The following KRT80 variants were observed in gnomAD, a reference collection of about 807,000 sequenced individuals.
The protein encoded by KRT80 is keratin 80.
KRT80 carries 36 observed loss-of-function variants against 51.5 expected under a neutral mutation model. The observed-to-expected ratio is 0.70, with a 90% CI of 0.54 to 0.92. The LOEUF (loss-of-function observed/expected upper bound fraction) is 0.92. Among genes scored for constraint, KRT80 ranks in the 40% least tolerant of loss-of-function variants. The probability of loss-of-function intolerance (pLI) is 0.00; values close to 1 mark genes in which losing one functional copy is unlikely to be tolerated. For missense variants in KRT80, 566 were observed against 591.7 expected (o/e 0.96, Z 0.45); for synonymous variants, 235 against 248.3 (o/e 0.95, Z 0.50).
rs1470434016 is a variant in KRT80 at position 52,173,583 on chromosome 12, T to C, written c.831+17A>G. Reference sequence around the variant, plus strand: ...ACTGTCCAGGCTGCTTCTCGTGCCCTGTGTGGTCAGCCCCACCTGGCTCCG... The same window carrying C: ...ACTGTCCAGGCTGCTTCTCGTGCCCCGTGTGGTCAGCCCCACCTGGCTCCG... On this transcript the variant is annotated intron_variant, in intron 5 of 8. Transcript: ENST00000394815. 8 of 1,611,016 alleles carry C rather than the reference T, an allele frequency of 5.0e-6. No individual in the cohort carries two copies. The highest frequency in any genetic ancestry group is 6.8e-6 in the Non-Finnish European group (8 of 1,179,458).
Position 52,171,724 on chromosome 12 carries a change from G to A in KRT80, c.1179-11C>T. On this transcript the variant is annotated splice_polypyrimidine_tract_variant and intron_variant, in intron 7 of 8. Transcript: ENST00000394815. ...GAGGGCGAGTCCATCCTGGGGGTGGGGGACGGGGGGGTGGGAGAGGGATAT... is the reference window on the plus strand; with the variant it reads ...GAGGGCGAGTCCATCCTGGGGGTGGAGGACGGGGGGGTGGGAGAGGGATAT... 6.8e-7 allele frequency: 1 copy of A among 1,463,256 alleles called. No individual in the cohort carries two copies. Among genetic ancestry groups the A allele is most frequent in the Non-Finnish European group, 9.4e-7 (1 of 1,065,980 alleles). The allele number at this position is 1,463,256 out of a possible 1,614,324, so 90.6% of individuals were successfully genotyped here. A position where few individuals can be genotyped will look rare whatever the true frequency, so the allele number is the denominator to read the frequency against.
intron 1 of KRT80, among the ~76,000 whole-genome samples, chr12:52,187,484 G>A (rs980416082): frequency 6.6e-6 from 1 of 152,210 alleles, no homozygotes. Context: ...ACGGTCAGGT[G>A]GGGCCAGCCC....
At chr12:52,189,673 G>C (rs1941452560) in intron 1 of KRT80, among the ~76,000 whole-genome samples, 1 of 152,228 alleles carries the variant, frequency 6.6e-6, no homozygotes, top group South Asian at 2.1e-4. Context: ...TGAAGGGTCA[G>C]CTGGGGCCCC....
At chr12:52,180,703 G>A (rs1941304411) in intron 3 of KRT80, 95 bp from the exon 4 acceptor site, 1 of 1,600,872 alleles carries the variant, frequency 6.2e-7, no homozygotes, top group Non-Finnish European at 8.5e-7. Context: ...GAGAGTGGGG[G>A]TGATTCCAGA....
At chr12:52,176,277 G>C (rs1229763450) in intron 4 of KRT80, among the ~76,000 whole-genome samples, 8 of 152,174 alleles carry the variant, frequency 5.3e-5, no homozygotes. Flanking sequence ...GGGACCCCTG[G>C]AGAGCACGTG....
chr12:52,185,836 C>A (rs1033994870), intron 1 of KRT80: 2 of 682,574 alleles, frequency 2.9e-6, no homozygotes, highest in Admixed American at 3.0e-5. Context: ...GAGGGCAGGG[C>A]AGGGCTGGCA....
intron 2 of KRT80, among the ~76,000 whole-genome samples, chr12:52,183,795 G>A (rs1270452112): frequency 6.6e-6 from 1 of 152,220 alleles, no homozygotes; most frequent in Non-Finnish European, 1.5e-5. Context: ...ATGGGACTTA[G>A]CATGCAAGGC....
At chr12:52,188,457 G>A (rs1941437632) in intron 1 of KRT80, among the ~76,000 whole-genome samples, 1 of 152,226 alleles carries the variant, frequency 6.6e-6, no homozygotes, top group Admixed American at 6.5e-5. Context: ...CATCCCAGAG[G>A]CTGCAGGTCT....
chr12:52,173,663 C>A lies in KRT80; in HGVS notation c.768G>T (p.Lys256Asn). 6.2e-7 allele frequency: 1 copy of A among 1,613,222 alleles called. No individual in the cohort carries two copies. Among genetic ancestry groups the A allele is most frequent in the Non-Finnish European group, 8.5e-7 (1 of 1,180,036 alleles). The change falls in exon 5 of 9, where the codon AAG becomes AAT. Residue 256 changes from lysine to asparagine, a missense_variant. By Grantham distance (94) the Lys-to-Asn change is moderately conservative. Coordinates refer to ENST00000394815, the MANE Select transcript of KRT80 (RefSeq NM_182507.3). ...GAGCCGCGACGGCGTCATACTGGGC[C>A]TTCACCTCCTCCACGATGCCGCTCA... is the stretch of plus-strand genomic sequence containing the variant. The part of the protein sequence containing the change: ...IDLSGIVEEV[K>N]AQYDAVAARS...
Position 52,185,990 on chromosome 12 carries a change from T to C in KRT80, c.301-403A>G, listed in dbSNP as rs573037824. On this transcript the variant is annotated intron_variant, in intron 1 of 8. Transcript: ENST00000394815. ...TGCCACCACGACAAGTGTGGTCCCA[T>C]CTTGTCCTGGAAACTCAGCAGGGTA... Among the ~76,000 whole-genome samples, 11 of 152,040 alleles carry C rather than the reference T, an allele frequency of 7.2e-5. No individual in the cohort carries two copies. The East Asian group carries it at 2.1e-3, about 29-fold the overall frequency.
intron 4 of KRT80, among the ~76,000 whole-genome samples, chr12:52,180,179 T>C (rs1240572163): frequency 1.3e-5 from 2 of 152,176 alleles, no homozygotes; most frequent in Non-Finnish European, 2.9e-5. Context: ...GACCCCTGGG[T>C]TCCATGCCAC....
chr12:52,186,411 C>A (rs956220493), intron 1 of KRT80, among the ~76,000 whole-genome samples: 1 of 152,148 alleles, frequency 6.6e-6, no homozygotes, highest in South Asian at 2.1e-4. Flanking sequence ...TGGGATACGA[C>A]AACAGCAGGT....
At chr12:52,178,871 A>G (rs971930469) in intron 4 of KRT80, among the ~76,000 whole-genome samples, 5 of 151,558 alleles carry the variant, frequency 3.3e-5, no homozygotes, top group African/African-American at 1.2e-4. Context: ...TTACAGAAAT[A>G]GTAAAAAAAA....
intron 2 of KRT80, among the ~76,000 whole-genome samples, chr12:52,184,716 C>G (rs888001763): frequency 6.6e-6 from 1 of 152,188 alleles, no homozygotes; most frequent in African/African-American, 2.4e-5. Context: ...AATGCCCAAG[C>G]CTGGGCCCAT....
chr12:52,172,990 T>C (rs1941139586), intron 6 of KRT80, 48 bp downstream of exon 6: 1 of 1,577,040 alleles, frequency 6.3e-7, no homozygotes. Context: ...TGACTGTGTG[T>C]CTCCCTGCTC....
At chr12:52,186,225 G>C (rs1941402236) in intron 1 of KRT80, among the ~76,000 whole-genome samples, 1 of 151,864 alleles carries the variant, frequency 6.6e-6, no homozygotes, top group Non-Finnish European at 1.5e-5. Context: ...CCATCACCAG[G>C]CCCTCTGCTC....
intron 2 of KRT80, among the ~76,000 whole-genome samples, chr12:52,183,187 T>A (rs1941350986): frequency 6.6e-6 from 1 of 152,200 alleles, no homozygotes. Flanking sequence ...AGACTGCTGA[T>A]CCTTGGGGTT....
intron 4 of KRT80, among the ~76,000 whole-genome samples, chr12:52,179,682 A>G (rs1171423349): frequency 6.6e-6 from 1 of 152,174 alleles, no homozygotes; most frequent in Non-Finnish European, 1.5e-5. Flanking sequence ...GGTGACTTTG[A>G]TCTCAGCCTT....
chr12:52,175,392 C>G (rs1941201199), intron 4 of KRT80, among the ~76,000 whole-genome samples: 1 of 152,096 alleles, frequency 6.6e-6, no homozygotes, highest in African/African-American at 2.4e-5. Flanking sequence ...CCAGGCTCAG[C>G]TTTTTAGTTC....
Sources: allele counts gnomAD v4.1 joint callset (sites outside exome capture counted in the v4.1 genomes callset), GRCh38; gene constraint gnomAD v4.1.1; transcripts MANE v1.5; gene names NCBI Gene and HGNC (gene_info 2026-07-23, HGNC 2026-07-21).